CDYL: variants seen among roughly 807,000 people sequenced by gnomAD.
The protein encoded by CDYL is chromodomain Y-like protein.
In CDYL, 8 loss-of-function variants were observed where a neutral mutation model predicts 47.3. The observed-to-expected ratio is 0.17, with a 90% CI of 0.10 to 0.31. The LOEUF is 0.31. Ranked by LOEUF, CDYL falls within the 10% of genes least tolerant of loss-of-function variation. CDYL has a pLI of 1.00. For synonymous variants in CDYL, 266 were observed against 265.0 expected, an observed-to-expected ratio of 1.00 and a Z score of -0.04; for missense variants, 471 against 701.4, an observed-to-expected ratio of 0.67 and a Z score of 3.71.
chr6:4,807,794 T>C (rs1318159811), intron 1 of CDYL, among the ~76,000 whole-genome samples: 1 of 151,844 alleles, frequency 6.6e-6, no homozygotes, highest in East Asian at 1.9e-4. Context: ...TCTGTAGAGA[T>C]AGGGTCTTGC....
chr6:4,951,398 T>A (rs1392306726), intron 5 of CDYL, among the ~76,000 whole-genome samples: 2 of 152,142 alleles, frequency 1.3e-5, no homozygotes, highest in Non-Finnish European at 2.9e-5. Flanking sequence ...GTCATTTGAA[T>A]GATGTAAAAT....
At chr6:4,807,988 C>G (rs867770561) in intron 1 of CDYL, among the ~76,000 whole-genome samples, 2 of 152,032 alleles carry the variant, frequency 1.3e-5, no homozygotes, top group African/African-American at 4.8e-5. Context: ...CTCAGATTGT[C>G]GTAGCTTTGG....
At chr6:4,718,009 C>A (rs889156980) in intron 2 of CDYL, among the ~76,000 whole-genome samples, 1 of 151,868 alleles carries the variant, frequency 6.6e-6, no homozygotes, top group African/African-American at 2.4e-5. Context: ...CCACACCCGG[C>A]TGATTTTATA....
At chr6:4,832,136 G>T (rs1033320493) in intron 1 of CDYL, among the ~76,000 whole-genome samples, 25 of 151,952 alleles carry the variant, frequency 1.6e-4, no homozygotes, top group Non-Finnish European at 3.4e-4. Context: ...GTGAGAGAGG[G>T]CATCCCTGTC....
At chr6:4,878,401 T>C (rs1761675188) in intron 1 of CDYL, among the ~76,000 whole-genome samples, 1 of 151,860 alleles carries the variant, frequency 6.6e-6, no homozygotes, top group South Asian at 2.1e-4. Flanking sequence ...TTTGTGTGTG[T>C]GTAACATTTT....
intron 3 of CDYL, among the ~76,000 whole-genome samples, chr6:4,761,256 C>A (rs904655152): frequency 6.6e-6 from 1 of 152,160 alleles, no homozygotes; most frequent in Non-Finnish European, 1.5e-5. Flanking sequence ...CCTTTCAAAG[C>A]TGTATCTCGA....
chr6:4,761,070 T>C (rs920463571), intron 3 of CDYL, among the ~76,000 whole-genome samples: 1 of 152,202 alleles, frequency 6.6e-6, no homozygotes, highest in Non-Finnish European at 1.5e-5. Flanking sequence ...CTCTCTTTTA[T>C]AGAAATGTTC....
chr6:4,751,842 G>A (rs1757998630), intron 3 of CDYL, among the ~76,000 whole-genome samples: 1 of 152,214 alleles, frequency 6.6e-6, no homozygotes, highest in Admixed American at 6.5e-5. Flanking sequence ...TGTAAATACT[G>A]AACAAAAGGC....
At chr6:4,877,868 C>G (rs1287046781) in intron 1 of CDYL, among the ~76,000 whole-genome samples, 3 of 152,148 alleles carry the variant, frequency 2.0e-5, no homozygotes, top group Non-Finnish European at 4.4e-5. Context: ...CACATAAAAG[C>G]TTGCCAGGAT....
At chr6:4,843,509 CTT>C (rs869211505) in intron 1 of CDYL, among the ~76,000 whole-genome samples, 4 of 130,426 alleles carry the variant, frequency 3.1e-5, no homozygotes, top group African/African-American at 8.3e-5. Flanking sequence ...GAGGCTTTTT[CTT>C]TTTTTTTTTT....
rs866637039 is a variant in CDYL at position 4,900,803 on chromosome 6, A to C, written c.691+8424A>C. 9.5e-4 allele frequency among the ~76,000 whole-genome samples: 74 copies of C among 77,584 alleles called. 1 individual carries two copies. The highest frequency in any genetic ancestry group is 4.1e-3 in the African/African-American group (70 of 17,236). The allele number at this position is 77,584 out of a possible 152,430, so 50.9% of individuals were successfully genotyped here. On this transcript the variant is annotated intron_variant, in intron 2 of 6. Coordinates refer to ENST00000397588, the MANE Select transcript of CDYL (RefSeq NM_004824.4). ...TGTATATATATATATATATATATAT[A>C]TATATATATATATATATATATATAT...
At chr6:4,748,699 A>G (rs9405778) in intron 3 of CDYL, among the ~76,000 whole-genome samples, 140,242 of 151,418 alleles carry the variant, frequency 0.93, 64,997 homozygotes, top group East Asian at 0.99. Flanking sequence ...TTTAGTAAAA[A>G]AAAATATAAA....
At chr6:4,929,344 C>A (rs1330560931) in intron 2 of CDYL, among the ~76,000 whole-genome samples, 1 of 151,830 alleles carries the variant, frequency 6.6e-6, no homozygotes, top group Non-Finnish European at 1.5e-5. Context: ...TTTTTGTTCT[C>A]ATGTTATCAG....
intron 4 of CDYL, among the ~76,000 whole-genome samples, chr6:4,938,657 A>G (rs1274741886): frequency 6.6e-6 from 1 of 152,214 alleles, no homozygotes; most frequent in Non-Finnish European, 1.5e-5. Flanking sequence ...GGTCACCATG[A>G]TGTACAATAG....
chr6:4,951,335 T>G (rs2127529795), intron 5 of CDYL, among the ~76,000 whole-genome samples: 1 of 152,170 alleles, frequency 6.6e-6, no homozygotes, highest in East Asian at 1.9e-4. Flanking sequence ...GTGGAGTTTC[T>G]TTATCAGACA....
At chr6:4,759,936 GAA>G (rs60859438) in intron 3 of CDYL, among the ~76,000 whole-genome samples, 3 of 54,840 alleles carry the variant, frequency 5.5e-5, no homozygotes, top group Admixed American at 2.1e-4. Context: ...GAAGAAGAAA[GAA>G]AAGAAAAGAA....
In CDYL at chr6:4,943,549, C is replaced by G. The variant is rs1758422555; in HGVS notation, c.1125C>G (p.Asn375Lys). 1.4e-5 allele frequency: 22 copies of G among 1,593,856 alleles called. No individual in the cohort carries two copies. Among genetic ancestry groups the G allele is most frequent in the Non-Finnish European group, 1.7e-5 (20 of 1,164,944 alleles). ...CCCCATTTATTTTTCATTTTAGAAA[C>G]TTCGTGAATACTTTCATTCAATTTA... Reference protein sequence around the residue: ...ESTKMAEAIRNFVNTFIQFKK... With the variant: ...ESTKMAEAIRKFVNTFIQFKK... Residue 375 changes from asparagine to lysine, a missense_variant, in exon 5 of 7, where the codon AAC becomes AAG. Asn to Lys is a moderately conservative substitution (Grantham distance 94). Coordinates refer to ENST00000397588, the MANE Select transcript of CDYL (RefSeq NM_004824.4).
At chr6:4,834,769 A>G (rs1294285541) in intron 1 of CDYL, among the ~76,000 whole-genome samples, 1 of 151,670 alleles carries the variant, frequency 6.6e-6, no homozygotes, top group Non-Finnish European at 1.5e-5. Context: ...GGCTTTGTTC[A>G]TTTCTTTTTA....
chr6:4,894,795 G>GCCATAGAT (rs1223123956), intron 2 of CDYL, among the ~76,000 whole-genome samples: 1 of 151,568 alleles, frequency 6.6e-6, no homozygotes, highest in Non-Finnish European at 1.5e-5. Context: ...CTCTTAGGAG[G>GCCATAGAT]CCATAGATCT....
Sources: allele counts gnomAD v4.1 joint callset (sites outside exome capture counted in the v4.1 genomes callset), GRCh38; gene constraint gnomAD v4.1.1; transcripts MANE v1.5; gene names NCBI Gene and HGNC (gene_info 2026-07-23, HGNC 2026-07-21).